GALNT10: variants seen among roughly 807,000 people sequenced by gnomAD.
GALNT10 encodes the protein GalNAc transferase 10.
A neutral mutation model predicts 75.0 loss-of-function variants in GALNT10; 41 were observed. The observed-to-expected ratio is 0.55, with a 90% confidence interval of 0.43 to 0.71. GALNT10 has a LOEUF of 0.71. Among genes scored for constraint, GALNT10 ranks in the 30% least tolerant of loss-of-function variants. GALNT10 has a pLI of 0.00. For missense variants in GALNT10, 727 were observed against 818.5 expected, an observed-to-expected ratio of 0.89 and a Z score of 1.36; for synonymous variants, 302 against 313.0, an observed-to-expected ratio of 0.96 and a Z score of 0.37.
intron 3 of GALNT10, among the ~76,000 whole-genome samples, chr5:154,305,399 C>T (rs1754419458): frequency 6.6e-6 from 1 of 151,760 alleles, no homozygotes; most frequent in African/African-American, 2.4e-5. Flanking sequence ...TCTAATTATT[C>T]TGGTTAAAAG....
In GALNT10 at chr5:154,298,708, T is replaced by C. The variant is rs1388066431; in HGVS notation, c.401+629T>C. On this transcript the variant is annotated intron_variant, in intron 3 of 11. Coordinates refer to ENST00000297107, the MANE Select transcript of GALNT10 (RefSeq NM_198321.4). This position sits in a 1 kb window ranked among gnomAD's most constrained non-coding sequence, Gnocchi z 4.1. ...GAATAAGACAGGCCTTAGACTCCAGTTCAATCAAAAACTATACTCTGGACC... is the reference window on the plus strand; with the variant it reads ...GAATAAGACAGGCCTTAGACTCCAGCTCAATCAAAAACTATACTCTGGACC... Among the ~76,000 whole-genome samples the C allele has an allele frequency of 6.6e-6, 1 of 152,186 alleles. No homozygotes were observed. Among genetic ancestry groups the C allele is most frequent in the Non-Finnish European group, 1.5e-5 (1 of 68,032 alleles).
chr5:154,203,800 C>T (rs1221830563), intron 1 of GALNT10, among the ~76,000 whole-genome samples: 2 of 152,214 alleles, frequency 1.3e-5, no homozygotes, highest in African/African-American at 4.8e-5. Flanking sequence ...TCTTGTGAGC[C>T]TGGGCTTCCT....
intron 7 of GALNT10, among the ~76,000 whole-genome samples, chr5:154,395,975 C>T (rs917237294): frequency 3.2e-4 from 48 of 152,168 alleles, no homozygotes; most frequent in African/African-American, 1.1e-3. Flanking sequence ...GGTTGAAAAT[C>T]GCAGCTGTAA....
At position 154,374,035 on chromosome 5, in the gene GALNT10, CACAA is replaced by C. The variant is rs1755617583; in HGVS notation, c.569-2237_569-2234del. Among the ~76,000 whole-genome samples, 3 of 152,274 alleles carry C rather than the reference CACAA, an allele frequency of 2.0e-5. No homozygotes were observed. In the South Asian group the frequency reaches 6.2e-4, roughly 32 times the overall value. On this transcript the variant is annotated intron_variant, in intron 4 of 11. Coordinates refer to ENST00000297107, the MANE Select transcript of GALNT10 (RefSeq NM_198321.4). ...AACCCAGCCAAGAAGAAGCGGTGGT[CACAA>C]ACAATGACTATGGATTTTTTTCTTT...
chr5:154,343,194 A>T (rs966970292), intron 4 of GALNT10, among the ~76,000 whole-genome samples: 4 of 152,150 alleles, frequency 2.6e-5, no homozygotes, highest in African/African-American at 9.7e-5. Flanking sequence ...TGATGCAGCC[A>T]GTTCTGGGAC....
chr5:154,360,853 G>A (rs1018441453), intron 4 of GALNT10, among the ~76,000 whole-genome samples: 2 of 152,148 alleles, frequency 1.3e-5, no homozygotes, highest in Non-Finnish European at 1.5e-5. Context: ...TTTATTTCCT[G>A]AAATGTTTTA....
chr5:154,211,540 C>T (rs1394679978), intron 1 of GALNT10, among the ~76,000 whole-genome samples: 2 of 152,234 alleles, frequency 1.3e-5, no homozygotes, highest in Admixed American at 6.5e-5. Flanking sequence ...ATGCATTTCC[C>T]GTTTTGGTTA....
chr5:154,205,031 T>G (rs930559142), intron 1 of GALNT10, among the ~76,000 whole-genome samples: 3 of 152,178 alleles, frequency 2.0e-5, no homozygotes, highest in Non-Finnish European at 2.9e-5. Context: ...GACTCTGACT[T>G]CTCCATGTTT....
At chr5:154,399,793 C>T (rs1756119383) in intron 7 of GALNT10, among the ~76,000 whole-genome samples, 1 of 152,202 alleles carries the variant, frequency 6.6e-6, no homozygotes, top group Non-Finnish European at 1.5e-5. Context: ...CTCCTGCCAA[C>T]ACTGGCCCTG....
chr5:154,362,888 G>C (rs1374874327), intron 4 of GALNT10, among the ~76,000 whole-genome samples: 4 of 152,102 alleles, frequency 2.6e-5, no homozygotes, highest in African/African-American at 9.7e-5. Context: ...TTCTAGTCTT[G>C]TCTTCTGGAG....
chr5:154,247,742 A>G (rs1753452015), intron 1 of GALNT10, among the ~76,000 whole-genome samples: 1 of 152,210 alleles, frequency 6.6e-6, no homozygotes, highest in African/African-American at 2.4e-5. Context: ...TAGATATACA[A>G]TTGTGTCATC....
At chr5:154,339,848 G>A (rs919870808) in intron 4 of GALNT10, among the ~76,000 whole-genome samples, 2 of 152,156 alleles carry the variant, frequency 1.3e-5, no homozygotes, top group Admixed American at 1.3e-4. Context: ...GGGAGTAAAA[G>A]CCAATGGAAC....
intron 4 of GALNT10, among the ~76,000 whole-genome samples, chr5:154,358,754 A>T (rs565257776): frequency 6.6e-6 from 1 of 151,884 alleles, no homozygotes; most frequent in South Asian, 2.1e-4. Context: ...TGCCCCATTC[A>T]ACAGACACGA....
chr5:154,341,269 A>C (rs1755028718), intron 4 of GALNT10, among the ~76,000 whole-genome samples: 1 of 152,180 alleles, frequency 6.6e-6, no homozygotes, highest in Non-Finnish European at 1.5e-5. Flanking sequence ...TCCTAGTATA[A>C]TAATAAAATT....
chr5:154,203,588 T>C (rs1775060932), intron 1 of GALNT10, among the ~76,000 whole-genome samples: 1 of 152,232 alleles, frequency 6.6e-6, no homozygotes, highest in Non-Finnish European at 1.5e-5. Context: ...CAGAAAGCCT[T>C]CCCTGATCTT....
chr5:154,386,224 C>T (rs1561678509), intron 6 of GALNT10, 89 bp from the exon 7 acceptor site: 10 of 925,138 alleles, frequency 1.1e-5, no homozygotes, highest in Non-Finnish European at 1.5e-5. Context: ...CATGGAACAC[C>T]GCCGCTGGGG....
At chr5:154,411,402 C>T (rs1756394733) in intron 9 of GALNT10, among the ~76,000 whole-genome samples, 1 of 152,206 alleles carries the variant, frequency 6.6e-6, no homozygotes, top group Admixed American at 6.5e-5. Context: ...AGTAAAGGTG[C>T]AGGAATCAAG....
chr5:154,417,243 G>A lies in GALNT10; in HGVS notation c.*271G>A. On this transcript the variant is annotated 3_prime_UTR_variant, in exon 12 of 12. Transcript: ENST00000297107. ...GCTGACATCACGGAAAAGCAACAGA[G>A]CCTTTTCAACTTTGTCACTATGTCC... is the stretch of plus-strand genomic sequence containing the variant. 4.9e-6 allele frequency: 2 copies of A among 410,410 alleles called. No homozygotes were observed. Among genetic ancestry groups the A allele is most frequent in the South Asian group, 7.8e-5 (2 of 25,784 alleles). The allele number at this position is 410,410 out of a possible 1,614,324, so 25.4% of individuals were successfully genotyped here.
At chr5:154,262,417 G>A (rs1359649425) in intron 1 of GALNT10, among the ~76,000 whole-genome samples, 2 of 152,176 alleles carry the variant, frequency 1.3e-5, no homozygotes, top group Admixed American at 6.5e-5. Flanking sequence ...CATTACTGCA[G>A]TGGGGCTGGT....
Sources: allele counts gnomAD v4.1 joint callset (sites outside exome capture counted in the v4.1 genomes callset), GRCh38; gene constraint gnomAD v4.1.1; non-coding constraint Gnocchi (gnomAD v3.1); transcripts MANE v1.5; gene names NCBI Gene and HGNC (gene_info 2026-07-23, HGNC 2026-07-21).